The following SLC8A2 variants were observed in gnomAD, a reference collection of about 807,000 sequenced individuals.
The protein encoded by SLC8A2 is sodium/calcium exchanger 2.
SLC8A2 carries 14 observed loss-of-function variants against 70.2 expected under a neutral mutation model. The observed-to-expected ratio is 0.20, with a 90% CI of 0.13 to 0.31. The LOEUF is 0.31. SLC8A2 is among the 10% of genes least tolerant of loss of function. SLC8A2 has a pLI of 1.00. For missense variants in SLC8A2, 779 were observed against 1,320.1 expected (o/e 0.59, Z 6.35); for synonymous variants, 575 against 594.3 (o/e 0.97, Z 0.47).
At chr19:47,456,264 C>T (rs920845028) in intron 3 of SLC8A2, among the ~76,000 whole-genome samples, 1 of 152,220 alleles carries the variant, frequency 6.6e-6, no homozygotes, top group Non-Finnish European at 1.5e-5. Flanking sequence ...TTGTCTCATT[C>T]ATCATGTGCA....
In SLC8A2 at chr19:47,457,099, C is replaced by T. The variant is rs753609430; in HGVS notation, c.1171G>A (p.Asp391Asn). 2 of 1,560,858 alleles carry T rather than the reference C, an allele frequency of 1.3e-6. No homozygotes were observed. The highest frequency in any genetic ancestry group is 1.4e-5 in the African/African-American group (1 of 73,412). Reference sequence around the variant, plus strand: ...TCGAAGAAGATGCGGCTGGCGCCGTCGTCTTCGTCCTCGCCCGCGCCCTCG... The same window carrying T: ...TCGAAGAAGATGCGGCTGGCGCCGTTGTCTTCGTCCTCGCCCGCGCCCTCG... ...PAEGAGEDED[D>N]GASRIFFEPS... The change falls in exon 3 of 10, where the codon GAC (aspartate) becomes AAC (asparagine). Residue 391 changes from aspartate (D) to asparagine (N), a missense_variant. Around this residue, in one of 6 missense-constraint regions of SLC8A2, gnomAD observed 186 missense variants for 246.6 expected, o/e 0.75. Transcript: ENST00000236877.
Position 47,466,518 on chromosome 19 carries a change from T to G in SLC8A2, c.-16-99A>C. On this transcript the variant is annotated intron_variant, in intron 1 of 9. Coordinates refer to ENST00000236877, the MANE Select transcript of SLC8A2 (RefSeq NM_015063.3). This position sits in a 1 kb window ranked among gnomAD's most constrained non-coding sequence, Gnocchi z 6.9. ...GGGGAAGGAGGGTTGGGGGAGAAGC[T>G]GAGGACCAATGCAGGCAGGATGGGG... 1.7e-6 allele frequency: 1 copy of G among 577,282 alleles called. No individual in the cohort carries two copies. The highest frequency in any genetic ancestry group is 3.1e-6 in the Non-Finnish European group (1 of 326,926). 35.8% of individuals were successfully genotyped at this position (577,282 alleles called of 1,614,324 possible).
In SLC8A2 at chr19:47,449,657, T is replaced by C. The variant is rs1270000903; in HGVS notation, c.1341-1426A>G. Among the ~76,000 whole-genome samples the C allele has an allele frequency of 2.0e-5, 3 of 152,222 alleles. No homozygotes were observed. In the East Asian group the frequency reaches 5.8e-4, roughly 29 times the overall value. Reference sequence around the variant, plus strand: ...TATTTTTGGTAAAGGGAACAGGCAATGTGAATGCTCTGACCTGGGACTGGA... The same window carrying C: ...TATTTTTGGTAAAGGGAACAGGCAACGTGAATGCTCTGACCTGGGACTGGA... On this transcript the variant is annotated intron_variant, in intron 3 of 9. Coordinates refer to ENST00000236877, the MANE Select transcript of SLC8A2 (RefSeq NM_015063.3).
chr19:47,440,370 T>A (rs770578846), intron 6 of SLC8A2, among the ~76,000 whole-genome samples: 45 of 152,178 alleles, frequency 3.0e-4, no homozygotes, highest in Non-Finnish European at 5.7e-4. Flanking sequence ...CCAAACTGGA[T>A]TCTCTCTGAC....
chr19:47,462,426 G>A (rs1025453877), intron 2 of SLC8A2, among the ~76,000 whole-genome samples: 5 of 151,048 alleles, frequency 3.3e-5, no homozygotes, highest in Admixed American at 2.0e-4. Flanking sequence ...CACCACGCCC[G>A]GCTAATTTTG....
At position 47,441,409 on chromosome 19, in the gene SLC8A2, C is replaced by T. The variant is rs146602831; in HGVS notation, c.1795G>A (p.Glu599Lys). ...KTLQVKIVDD[E>K]EYEKKDNFFI... is the part of the protein sequence containing the mutation. ...AAATTATCCTTTTTCTCATATTCCT[C>T]GTCATCAACTATCTTCACCTGAAGA... The change falls in exon 5 of 10, where the codon GAG (glutamate) becomes AAG (lysine). Residue 599 changes from glutamate to lysine, a missense_variant. Around this residue, in one of 6 missense-constraint regions of SLC8A2, gnomAD observed 247 missense variants for 362.8 expected, o/e 0.68. Coordinates refer to ENST00000236877, the MANE Select transcript of SLC8A2 (RefSeq NM_015063.3). 43 of 1,613,418 alleles carry T rather than the reference C, an allele frequency of 2.7e-5. No homozygotes were observed. Among genetic ancestry groups the T allele is most frequent in the Non-Finnish European group, 3.3e-5 (39 of 1,179,564 alleles).
rs1342812882 is a variant in SLC8A2 at position 47,457,184 on chromosome 19, G to A, written c.1086C>T (p.Thr362=). 6 of 1,544,684 alleles carry A rather than the reference G, an allele frequency of 3.9e-6. No homozygotes were observed. In the South Asian group the frequency reaches 7.2e-5, roughly 19 times the overall value. Residue 362 remains threonine, a synonymous_variant, in exon 3 of 10, where the codon ACC becomes ACT. Coordinates refer to ENST00000236877, the MANE Select transcript of SLC8A2 (RefSeq NM_015063.3). ...FYRIQATRLM[T]GAGNVLRRHA... ...GTCTGCGCAGCACGTTCCCGGCGCC[G>A]GTCATCAGCCGCGTGGCCTGGATGC...
At chr19:47,434,520 G>C (rs1279026952) in intron 8 of SLC8A2, among the ~76,000 whole-genome samples, 1 of 152,202 alleles carries the variant, frequency 6.6e-6, no homozygotes, top group Non-Finnish European at 1.5e-5. Context: ...GACAGAATGA[G>C]TTGGTTCATG....
At position 47,457,034 on chromosome 19, in the gene SLC8A2, C is replaced by G; in HGVS notation, c.1236G>C (p.Val412=). 15 of 1,609,550 alleles carry G rather than the reference C, an allele frequency of 9.3e-6. No homozygotes were observed. The highest frequency in any genetic ancestry group is 1.3e-5 in the Non-Finnish European group (15 of 1,178,158). Reference sequence around the variant, plus strand: ...CGCCCTGGCACGTGACGGACAGCAGCACGGAGCCGCAGTTCTCCAGGCAGT... The same window carrying G: ...CGCCCTGGCACGTGACGGACAGCAGGACGGAGCCGCAGTTCTCCAGGCAGT... ...LYHCLENCGS[V]LLSVTCQGGE... is the part of the protein sequence containing the mutation. Residue 412 remains valine, a synonymous_variant, in exon 3 of 10, where the codon GTG becomes GTC. Coordinates refer to ENST00000236877, the MANE Select transcript of SLC8A2 (RefSeq NM_015063.3).
intron 8 of SLC8A2, among the ~76,000 whole-genome samples, chr19:47,437,224 G>T (rs187538745): frequency 5.2e-4 from 79 of 151,736 alleles, no homozygotes; most frequent in African/African-American, 1.9e-3. Flanking sequence ...TAGAGACAGC[G>T]TCTTGCTCTG....
rs911773577 is a variant in SLC8A2 at position 47,448,455 on chromosome 19, C to T, written c.1341-224G>A. Among the ~76,000 whole-genome samples the T allele has an allele frequency of 2.0e-5, 3 of 152,060 alleles. No homozygotes were observed. The highest frequency in any genetic ancestry group is 7.3e-5 in the African/African-American group (3 of 41,376). ...CGGGAACAAGACAGAGTGGGCCCCT[C>T]CCCGCGTGGAACTCGTGAAGAGCAG... is the stretch of plus-strand genomic sequence containing the variant. On this transcript the variant is annotated intron_variant, in intron 3 of 9. Transcript: ENST00000236877. This position sits in a 1 kb window ranked among gnomAD's most constrained non-coding sequence, Gnocchi z 4.8.
rs192065845 is a variant in SLC8A2, at chr19:47,463,632, G to A, written c.675+2097C>T. Among the ~76,000 whole-genome samples, 232 of 149,474 alleles carry A rather than the reference G, an allele frequency of 1.6e-3. 1 individual carries two copies. The highest frequency in any genetic ancestry group is 5.4e-3 in the African/African-American group (220 of 40,930). On this transcript the variant is annotated intron_variant, in intron 2 of 9. Transcript: ENST00000236877. ...TGTAATCTCAGCTACTCAGGAGGCTGAGGCAGGAGAATCGCTGCCTCAGAG... is the reference window on the plus strand; with the variant it reads ...TGTAATCTCAGCTACTCAGGAGGCTAAGGCAGGAGAATCGCTGCCTCAGAG...
At chr19:47,452,445 A>T (rs868556836) in intron 3 of SLC8A2, among the ~76,000 whole-genome samples, 2,525 of 53,734 alleles carry the variant, frequency 0.047, 124 homozygotes, top group African/African-American at 0.12. Context: ...AGAGAGAGAG[A>T]GTGTGTGTGT....
Position 47,437,448 on chromosome 19 carries a change from C to T in SLC8A2, c.2110+14G>A. On this transcript the variant is annotated intron_variant, in intron 8 of 9. Transcript: ENST00000236877. ...TCCATCTTTCTCTCTTCTCTCTCCTCCCTCCCCACTTACCTGCGCTCACCG... is the reference window on the plus strand; with the variant it reads ...TCCATCTTTCTCTCTTCTCTCTCCTTCCTCCCCACTTACCTGCGCTCACCG... 6.6e-7 allele frequency: 1 copy of T among 1,520,748 alleles called. No homozygotes were observed. Among genetic ancestry groups the T allele is most frequent in the African/African-American group, 1.4e-5 (1 of 73,080 alleles). 94.2% of individuals were successfully genotyped at this position (1,520,748 alleles called of 1,614,324 possible).
At chr19:47,467,424 A>G (rs1188264183) in intron 1 of SLC8A2, among the ~76,000 whole-genome samples, 1 of 152,116 alleles carries the variant, frequency 6.6e-6, no homozygotes, top group African/African-American at 2.4e-5. Context: ...GTCTGTTTCA[A>G]GTGGGGCTGG....
Position 47,447,957 on chromosome 19 carries a change from C to T in SLC8A2, c.1615G>A (p.Gly539Ser). 1 of 1,561,696 alleles carries T rather than the reference C, an allele frequency of 6.4e-7. No individual in the cohort carries two copies. The highest frequency in any genetic ancestry group is 1.2e-5 in the South Asian group (1 of 85,842). Residue 539 changes from glycine (G) to serine (S), a missense_variant, in exon 4 of 10, where the codon GGC becomes AGC. Coordinates refer to ENST00000236877, the MANE Select transcript of SLC8A2 (RefSeq NM_015063.3). This position sits in a 1 kb window ranked among gnomAD's most constrained non-coding sequence, Gnocchi z 5.1. ...DRLLHVSECM[G>S]TVDVRVVRSS... ...CGCACGACGCGCACGTCCACGGTGC[C>T]CATGCACTCGCTCACGTGCAGCAGG...
At position 47,444,174 on chromosome 19, in the gene SLC8A2, G is replaced by A. The variant is rs1343033210; in HGVS notation, c.1764-2734C>T. Among the ~76,000 whole-genome samples, 8 of 152,240 alleles carry A rather than the reference G, an allele frequency of 5.3e-5. No individual in the cohort carries two copies. The East Asian group carries it at 1.5e-3, about 29-fold the overall frequency. On this transcript the variant is annotated intron_variant, in intron 4 of 9. Coordinates refer to ENST00000236877, the MANE Select transcript of SLC8A2 (RefSeq NM_015063.3). ...CCTCCCCAGTGCTGGGGTTACAGGTGTGAGCCACAGCACCTGGCCCGCCCT... is the reference window on the plus strand; with the variant it reads ...CCTCCCCAGTGCTGGGGTTACAGGTATGAGCCACAGCACCTGGCCCGCCCT...
chr19:47,441,297 G>A, intron 5 of SLC8A2, 40 bp downstream of exon 5: 1 of 1,584,728 alleles, frequency 6.3e-7, no homozygotes, highest in Non-Finnish European at 8.7e-7. Context: ...CCCGACCCTG[G>A]ACCCCTTACT....
intron 3 of SLC8A2, among the ~76,000 whole-genome samples, chr19:47,452,001 G>A (rs184289766): frequency 6.6e-6 from 1 of 152,260 alleles, no homozygotes; most frequent in African/African-American, 2.4e-5. Flanking sequence ...GGATATTACA[G>A]GGATGACTGG....
Sources: allele counts gnomAD v4.1 joint callset (sites outside exome capture counted in the v4.1 genomes callset), GRCh38; gene constraint gnomAD v4.1.1; regional missense constraint gnomAD v4.1.1; non-coding constraint Gnocchi (gnomAD v3.1); transcripts MANE v1.5; gene names NCBI Gene and HGNC (gene_info 2026-07-23, HGNC 2026-07-21).